The following SOCS5 variants were observed in gnomAD, a reference collection of about 807,000 sequenced individuals.
SOCS5 encodes the protein suppressor of cytokine signaling 5, also known as CIS-6.
In SOCS5, 32 loss-of-function variants were observed where a neutral mutation model predicts 42.8. That is an observed-to-expected ratio of 0.75 (90% CI 0.56 to 1.01). The LOEUF (loss-of-function observed/expected upper bound fraction) is 1.01. Ranked by LOEUF, SOCS5 falls within the 50% of genes least tolerant of loss-of-function variation. The pLI, the probability that SOCS5 is intolerant of heterozygous loss-of-function variation, is 0.00. For synonymous variants in SOCS5, 283 were observed against 229.6 expected (o/e 1.23, Z -2.10); for missense variants, 627 against 653.0 (o/e 0.96, Z 0.43).
At chr2:46,732,503 A>T (rs1408163472) in intron 1 of SOCS5, among the ~76,000 whole-genome samples, 1 of 152,238 alleles carries the variant, frequency 6.6e-6, no homozygotes, top group African/African-American at 2.4e-5. Flanking sequence ...AAAGAAAAAG[A>T]AACACTGTTA....
intron 1 of SOCS5, among the ~76,000 whole-genome samples, chr2:46,753,894 T>C (rs1322193303): frequency 1.3e-5 from 2 of 152,170 alleles, no homozygotes; most frequent in African/African-American, 4.8e-5. Flanking sequence ...TGCATTATAA[T>C]TAATGTATAA....
chr2:46,739,705 C>G (rs551768517), intron 1 of SOCS5, among the ~76,000 whole-genome samples: 1 of 152,182 alleles, frequency 6.6e-6, no homozygotes, highest in African/African-American at 2.4e-5. Flanking sequence ...TTTTTTCTTT[C>G]TCTTTAAACT....
intron 1 of SOCS5, among the ~76,000 whole-genome samples, chr2:46,704,193 A>G (rs1000348054): frequency 2.6e-5 from 4 of 152,244 alleles, no homozygotes; most frequent in Non-Finnish European, 5.9e-5. Context: ...ATTGTATTTG[A>G]AATGGGCTTA....
chr2:46,706,605 A>G (rs1672468861), intron 1 of SOCS5, among the ~76,000 whole-genome samples: 1 of 152,236 alleles, frequency 6.6e-6, no homozygotes, highest in Non-Finnish European at 1.5e-5. Context: ...GAATGGTTAC[A>G]TTAATAAAAG....
At chr2:46,752,632 T>G (rs1387275318) in intron 1 of SOCS5, among the ~76,000 whole-genome samples, 1 of 152,246 alleles carries the variant, frequency 6.6e-6, no homozygotes, top group Non-Finnish European at 1.5e-5. Flanking sequence ...TGTTACATTT[T>G]ATATTGATAC....
rs771979241 is a variant in SOCS5 at position 46,759,335 on chromosome 2, C to T, written c.805C>T (p.Arg269Trp). The T allele has an allele frequency of 2.5e-6, 4 of 1,613,732 alleles. No individual in the cohort carries two copies. Among genetic ancestry groups the T allele is most frequent in the South Asian group, 1.1e-5 (1 of 91,074 alleles). Residue 269 changes from arginine to tryptophan, a missense_variant, in exon 2 of 2, where the codon CGG becomes TGG. Coordinates refer to ENST00000394861, the MANE Select transcript of SOCS5 (RefSeq NM_144949.3). ...DEEDRLRERR[R>W]LSIEEGVDPP... ...AGAAGATAGGCTTAGAGAGAGAAGG[C>T]GGCTTAGTATTGAAGAAGGGGTTGA...
intron 1 of SOCS5, among the ~76,000 whole-genome samples, chr2:46,757,852 C>T (rs780199049): frequency 2.0e-5 from 3 of 152,046 alleles, no homozygotes; most frequent in Non-Finnish European, 2.9e-5. Context: ...AACAACAGAG[C>T]GAGACTCCGT....
intron 1 of SOCS5, among the ~76,000 whole-genome samples, chr2:46,710,111 G>T (rs1672583144): frequency 6.6e-6 from 1 of 152,100 alleles, no homozygotes; most frequent in Non-Finnish European, 1.5e-5. Context: ...TAAGGAGATA[G>T]AATTTCAGTT....
At chr2:46,701,279 C>G (rs546481518) in intron 1 of SOCS5, among the ~76,000 whole-genome samples, 1 of 152,206 alleles carries the variant, frequency 6.6e-6, no homozygotes, top group African/African-American at 2.4e-5. Context: ...TTTTGTAGAA[C>G]TAAGGAAAAG....
chr2:46,732,976 G>A (rs1673158142), intron 1 of SOCS5, among the ~76,000 whole-genome samples: 1 of 152,128 alleles, frequency 6.6e-6, no homozygotes, highest in East Asian at 1.9e-4. Flanking sequence ...TAAAAATCGT[G>A]TGGTGAATCA....
chr2:46,700,447 A>T (rs1245949902), intron 1 of SOCS5, among the ~76,000 whole-genome samples: 1 of 152,224 alleles, frequency 6.6e-6, no homozygotes, highest in Non-Finnish European at 1.5e-5. Context: ...AACGTTTAGA[A>T]TGGATTGTGC....
intron 1 of SOCS5, among the ~76,000 whole-genome samples, chr2:46,732,141 A>T (rs1023122367): frequency 1.4e-4 from 22 of 152,228 alleles, no homozygotes; most frequent in Admixed American, 1.1e-3. Context: ...AATGGCACAT[A>T]AGAAAATGGG....
intron 1 of SOCS5, among the ~76,000 whole-genome samples, chr2:46,721,261 T>C (rs1271997825): frequency 3.3e-5 from 5 of 152,190 alleles, no homozygotes; most frequent in Non-Finnish European, 7.4e-5. Context: ...CATAGTACTT[T>C]ATTATGCACA....
At chr2:46,716,589 T>C (rs1278426143) in intron 1 of SOCS5, among the ~76,000 whole-genome samples, 2 of 152,036 alleles carry the variant, frequency 1.3e-5, no homozygotes, top group Admixed American at 1.3e-4. Context: ...GACATCCTCC[T>C]GCTTTAGCTT....
intron 1 of SOCS5, among the ~76,000 whole-genome samples, chr2:46,710,260 C>T (rs1291114512): frequency 1.3e-5 from 2 of 152,190 alleles, no homozygotes; most frequent in East Asian, 3.8e-4. Context: ...AATTCTCCTG[C>T]CTCAGCCTCC....
chr2:46,759,364 C>T lies in SOCS5; in HGVS notation c.834C>T (p.Pro278=). The T allele has an allele frequency of 6.2e-7, 1 of 1,613,890 alleles. No homozygotes were observed. The highest frequency in any genetic ancestry group is 8.5e-7 in the Non-Finnish European group (1 of 1,179,834). ...RRLSIEEGVD[P]PPNAQIHTFE... ...TTAGTATTGAAGAAGGGGTTGATCC[C>T]CCTCCCAATGCACAAATACATACAT... Residue 278 remains proline (P), a synonymous_variant, in exon 2 of 2, where the codon CCC becomes CCT. Transcript: ENST00000394861.
intron 1 of SOCS5, among the ~76,000 whole-genome samples, chr2:46,702,521 G>C (rs540019669): frequency 1.9e-4 from 29 of 152,304 alleles, no homozygotes; most frequent in African/African-American, 6.5e-4. Flanking sequence ...TACAGTACTA[G>C]AGTACTAGAG....
intron 1 of SOCS5, among the ~76,000 whole-genome samples, chr2:46,708,880 C>CTTTTT (rs145238668): frequency 1.1e-4 from 7 of 63,266 alleles, no homozygotes; most frequent in East Asian, 4.9e-4. Context: ...ATCCTGAAGC[C>CTTTTT]TTTTTTTTTT....
At chr2:46,731,829 A>G (rs535723072) in intron 1 of SOCS5, among the ~76,000 whole-genome samples, 23 of 152,390 alleles carry the variant, frequency 1.5e-4, no homozygotes, top group Admixed American at 2.6e-4. Flanking sequence ...CACCATTTTA[A>G]CAGTTTTACA....
Sources: allele counts gnomAD v4.1 joint callset (sites outside exome capture counted in the v4.1 genomes callset), GRCh38; gene constraint gnomAD v4.1.1; transcripts MANE v1.5; gene names NCBI Gene and HGNC (gene_info 2026-07-23, HGNC 2026-07-21).